CFAP61: variants seen among roughly 807,000 people sequenced by gnomAD.
CFAP61 encodes cilia- and flagella-associated protein 61.
CFAP61 carries 107 observed loss-of-function variants against 135.6 expected under a neutral mutation model. The ratio of observed to expected loss-of-function variants is 0.79; its 90% CI spans 0.67 to 0.93. The LOEUF is 0.93. Among genes scored for constraint, CFAP61 ranks in the 40% least tolerant of loss-of-function variants. The pLI is 0.00. For missense variants in CFAP61, 1,507 were observed against 1,556.2 expected (o/e 0.97, Z 0.53); for synonymous variants, 575 against 578.5 (o/e 0.99, Z 0.09).
Position 20,196,731 on chromosome 20 carries a change from ATCCTG to A in CFAP61, c.1755_1759del (p.Cys586LeufsTer74). 1 of 1,614,198 alleles carries A rather than the reference ATCCTG, an allele frequency of 6.2e-7. No homozygotes were observed. Among genetic ancestry groups the A allele is most frequent in the Non-Finnish European group, 8.5e-7 (1 of 1,180,040 alleles). ...AGGAGATCCTGCGTTTAGGCTTTAA[ATCCTG>A]TCTCTACTACCGTGTTTACCCAAAA... On this transcript the variant is annotated frameshift_variant, in exon 16 of 27. Transcript: ENST00000245957. LOFTEE classifies it high-confidence loss of function.
intron 2 of CFAP61, among the ~76,000 whole-genome samples, chr20:20,069,555 G>A (rs1250603645): frequency 1.3e-5 from 2 of 152,206 alleles, no homozygotes; most frequent in African/African-American, 4.8e-5. Context: ...TGGGATTACA[G>A]GTGTGAGCCA....
intron 20 of CFAP61, chr20:20,253,651 C>A: frequency 4.5e-6 from 2 of 447,800 alleles, no homozygotes; most frequent in South Asian, 1.7e-5. Context: ...ACGCACCTAC[C>A]AACTCCACCT....
intron 25 of CFAP61, among the ~76,000 whole-genome samples, chr20:20,307,440 C>A (rs1043062478): frequency 2.6e-5 from 4 of 152,160 alleles, no homozygotes; most frequent in Admixed American, 6.5e-5. Context: ...AAGTACTATA[C>A]AAGGGCAGAG....
intron 25 of CFAP61, among the ~76,000 whole-genome samples, chr20:20,328,413 A>C (rs1173895048): frequency 6.6e-6 from 1 of 152,220 alleles, no homozygotes. Context: ...TTGACTCTCA[A>C]ACTTAACAAG....
At chr20:20,093,434 CTTTTTTTT>C (rs11479548) in intron 7 of CFAP61, among the ~76,000 whole-genome samples, 2 of 121,964 alleles carry the variant, frequency 1.6e-5, no homozygotes, top group African/African-American at 3.1e-5. Flanking sequence ...TTGTGTATTT[CTTTTTTTT>C]TTTTTTTTTT....
At chr20:20,320,731 TAAA>T (rs1020799417) in intron 25 of CFAP61, among the ~76,000 whole-genome samples, 13 of 150,114 alleles carry the variant, frequency 8.7e-5, no homozygotes, top group African/African-American at 3.2e-4. Context: ...ATTTCTAACT[TAAA>T]CATAATTTAA....
chr20:20,101,053 AC>A (rs1487960491), intron 8 of CFAP61, among the ~76,000 whole-genome samples: 6 of 152,220 alleles, frequency 3.9e-5, no homozygotes, highest in Non-Finnish European at 8.8e-5. Flanking sequence ...GTAGACTTCC[AC>A]ATAACTTCCA....
intron 8 of CFAP61, among the ~76,000 whole-genome samples, chr20:20,129,513 C>A (rs982410462): frequency 6.6e-6 from 1 of 151,518 alleles, no homozygotes; most frequent in Admixed American, 6.6e-5. Flanking sequence ...GACTTTTGAT[C>A]AGTTTATTAT....
chr20:20,075,043 T>G, intron 4 of CFAP61, 146 bp from the exon 5 acceptor site: 1 of 725,042 alleles, frequency 1.4e-6, no homozygotes, highest in Admixed American at 2.2e-5. Flanking sequence ...TTGAGGCTGT[T>G]CTTGCCATTG....
In CFAP61 at chr20:20,169,471, A is replaced by C. The variant is rs1414610030; in HGVS notation, c.1385+11A>C. Reference sequence around the variant, plus strand: ...GGCTGGATTGCTCAAGTGAGTAGACACATGTTTGGCCACACAACAATCCAT... The same window carrying C: ...GGCTGGATTGCTCAAGTGAGTAGACCCATGTTTGGCCACACAACAATCCAT... On this transcript the variant is annotated intron_variant, in intron 13 of 26. Transcript: ENST00000245957. The C allele has an allele frequency of 1.9e-6, 3 of 1,598,720 alleles. No homozygotes were observed. Among genetic ancestry groups the C allele is most frequent in the East Asian group, 4.5e-5 (2 of 44,702 alleles).
At chr20:20,168,597 G>A (rs2053998446) in intron 12 of CFAP61, among the ~76,000 whole-genome samples, 1 of 152,068 alleles carries the variant, frequency 6.6e-6, no homozygotes, top group Non-Finnish European at 1.5e-5. Flanking sequence ...TCCAGTAATG[G>A]AATTAAGTAT....
At chr20:20,113,761 T>G (rs768704941) in intron 8 of CFAP61, among the ~76,000 whole-genome samples, 16 of 152,200 alleles carry the variant, frequency 1.1e-4, no homozygotes, top group Non-Finnish European at 2.2e-4. Context: ...CCTATTGCAG[T>G]ACCACCTGTG....
chr20:20,269,117 C>CTATATATATATATA (rs142189443), intron 21 of CFAP61, among the ~76,000 whole-genome samples: 4 of 104,568 alleles, frequency 3.8e-5, no homozygotes, highest in Admixed American at 2.1e-4. Flanking sequence ...TATTCGTGGG[C>CTATATATATATATA]TATATATATA....
intron 8 of CFAP61, among the ~76,000 whole-genome samples, chr20:20,132,865 A>G (rs2050647943): frequency 6.6e-6 from 1 of 150,866 alleles, no homozygotes; most frequent in South Asian, 2.1e-4. Context: ...TTCTATTTTT[A>G]CCCTTTCTAT....
At position 20,277,434 on chromosome 20, in the gene CFAP61, C is replaced by T. The variant is rs776098204; in HGVS notation, c.2772C>T (p.Thr924=). The T allele has an allele frequency of 2.5e-6, 4 of 1,612,324 alleles. No homozygotes were observed. The Admixed American group carries it at 6.7e-5, about 27-fold the overall frequency. The part of the protein sequence containing the change: ...PIYSASFTTP[T]KPFRLQCSMF... ...ACAGCGCCTCCTTCACCACACCCAC[C>T]AAGCCTTTCAGACTCCAGTGCTCTG... Residue 924 remains threonine (T), a synonymous_variant, in exon 22 of 27, where the codon ACC becomes ACT. Transcript: ENST00000245957.
intron 2 of CFAP61, among the ~76,000 whole-genome samples, chr20:20,061,685 A>G (rs2044808575): frequency 6.6e-6 from 1 of 152,226 alleles, no homozygotes; most frequent in South Asian, 2.1e-4. Flanking sequence ...AATCACAGGT[A>G]GAGCACTGGA....
At chr20:20,265,485 C>T (rs772424498) in intron 21 of CFAP61, 7 of 779,664 alleles carry the variant, frequency 9.0e-6, no homozygotes, top group Middle Eastern at 2.3e-4. Context: ...TGTGGTGCCC[C>T]CTTAAAGGGA....
intron 13 of CFAP61, among the ~76,000 whole-genome samples, chr20:20,170,723 T>C (rs2054160516): frequency 6.6e-6 from 1 of 152,190 alleles, no homozygotes; most frequent in Admixed American, 6.5e-5. Context: ...GTTCACTTCA[T>C]AATTAGGGAC....
intron 8 of CFAP61, among the ~76,000 whole-genome samples, chr20:20,135,985 A>G (rs1290430319): frequency 1.1e-4 from 3 of 26,654 alleles, no homozygotes; most frequent in Admixed American, 4.5e-4. Context: ...TCATGTTTGA[A>G]GGATATTTTT....
Sources: gnomAD v4.1 joint callset for allele counts (sites outside exome capture counted in the v4.1 genomes callset) on GRCh38, gnomAD v4.1.1 for gene constraint, MANE v1.5 for transcripts, NCBI Gene and HGNC (gene_info 2026-07-23, HGNC 2026-07-21) for gene names.